Variants in CSMD1 observed in about 807,000 individuals in gnomAD.
CSMD1 encodes CUB and sushi domain-containing protein 1.
A neutral mutation model predicts 417.5 loss-of-function variants in CSMD1; 213 were observed. That is an observed-to-expected ratio of 0.51 (90% confidence interval 0.46 to 0.57). CSMD1 has a LOEUF of 0.57. Among genes scored for constraint, CSMD1 ranks in the 20% least tolerant of loss-of-function variants. CSMD1 has a pLI of 0.00. For synonymous variants in CSMD1, 2,862 were observed against 1,736.8 expected (o/e 1.65, Z -16.11); for missense variants, 6,923 against 4,529.7 (o/e 1.53, Z -15.17).
chr8:3,355,660 T>C (rs1458437108), intron 21 of CSMD1, among the ~76,000 whole-genome samples: 1 of 152,172 alleles, frequency 6.6e-6, no homozygotes, highest in African/African-American at 2.4e-5. Flanking sequence ...CCCAGTGCTT[T>C]ACCCAGACTG....
chr8:3,763,894 G>T (rs546913147), intron 5 of CSMD1, among the ~76,000 whole-genome samples: 2 of 152,234 alleles, frequency 1.3e-5, no homozygotes, highest in South Asian at 4.1e-4. Context: ...GACTGGAGAT[G>T]CCTTATCTCC....
rs1015109698 is a variant in CSMD1 at position 3,531,290 on chromosome 8, G to T, written c.1345-37564C>A. On this transcript the variant is annotated intron_variant, in intron 10 of 69. Transcript: ENST00000635120. ...CCATGGATATTAATTATTATTATTTGTTGTTGTGTGAGTACTAGTAATCAA... is the reference window on the plus strand; with the variant it reads ...CCATGGATATTAATTATTATTATTTTTTGTTGTGTGAGTACTAGTAATCAA... Among the ~76,000 whole-genome samples, 11 of 152,188 alleles carry T rather than the reference G, an allele frequency of 7.2e-5. No individual in the cohort carries two copies. The Middle Eastern group carries it at 0.014, about 188-fold the overall frequency.
chr8:4,859,532 G>C (rs868842461), intron 1 of CSMD1, among the ~76,000 whole-genome samples: 1 of 152,034 alleles, frequency 6.6e-6, no homozygotes, highest in African/African-American at 2.4e-5. Flanking sequence ...GCAATATCCA[G>C]AATCTACAAT....
At chr8:3,970,692 T>C (rs1321473633) in intron 5 of CSMD1, among the ~76,000 whole-genome samples, 3 of 152,170 alleles carry the variant, frequency 2.0e-5, no homozygotes, top group South Asian at 2.1e-4. Flanking sequence ...AAATGTATAT[T>C]TATATGTCCA....
chr8:3,554,390 G>T (rs1799051002), intron 10 of CSMD1, among the ~76,000 whole-genome samples: 1 of 152,210 alleles, frequency 6.6e-6, no homozygotes. Context: ...GATTGAGGAG[G>T]AAGACAATGA....
chr8:4,003,821 A>T (rs1815892371), intron 4 of CSMD1, among the ~76,000 whole-genome samples: 1 of 146,834 alleles, frequency 6.8e-6, no homozygotes, highest in Non-Finnish European at 1.5e-5. Flanking sequence ...CGTGTCTGAT[A>T]TTCTACCAAG....
chr8:3,605,330 T>C (rs973921244), intron 8 of CSMD1, among the ~76,000 whole-genome samples: 5 of 152,192 alleles, frequency 3.3e-5, no homozygotes, highest in South Asian at 2.1e-4. Flanking sequence ...ATTTACTCCC[T>C]GGTTTCTACA....
At chr8:3,174,496 A>C (rs1159716057) in intron 37 of CSMD1, among the ~76,000 whole-genome samples, 6 of 152,208 alleles carry the variant, frequency 3.9e-5, no homozygotes, top group Non-Finnish European at 8.8e-5. Flanking sequence ...CTGTCTCAAA[A>C]AACAAACAAT....
At chr8:4,763,565 G>T (rs1055758334) in intron 1 of CSMD1, among the ~76,000 whole-genome samples, 1 of 152,088 alleles carries the variant, frequency 6.6e-6, no homozygotes, top group Non-Finnish European at 1.5e-5. Flanking sequence ...CAGATCTATT[G>T]TCTTACTTGC....
In CSMD1 at chr8:3,262,185, ATATATAT is replaced by A. The variant is rs1281620544; in HGVS notation, c.4153+21952_4153+21958del. ...TATTTCTAAAATTATGCTCATATGA[ATATATAT>A]ATATATATATATATATATATATATA... On this transcript the variant is annotated intron_variant, in intron 26 of 69. Transcript: ENST00000635120. 8.2e-3 allele frequency among the ~76,000 whole-genome samples: 379 copies of A among 46,304 alleles called. 15 individuals are homozygous for A. The highest frequency in any genetic ancestry group is 0.029 in the African/African-American group (280 of 9,522). The allele number at this position is 46,304 out of a possible 152,430, so 30.4% of individuals were successfully genotyped here. A position where few individuals can be genotyped will look rare whatever the true frequency, so the allele number is the denominator to read the frequency against.
At chr8:4,372,291 G>C (rs1412168359) in intron 3 of CSMD1, among the ~76,000 whole-genome samples, 2 of 152,116 alleles carry the variant, frequency 1.3e-5, no homozygotes, top group Non-Finnish European at 2.9e-5. Flanking sequence ...TTAAGTCTGT[G>C]GGTTAAATGA....
chr8:3,273,752 C>T (rs569860367), intron 26 of CSMD1, among the ~76,000 whole-genome samples: 8 of 151,678 alleles, frequency 5.3e-5, no homozygotes, highest in East Asian at 1.9e-4. Context: ...GATGGCAGTT[C>T]GTATTTCTGT....
chr8:4,654,640 C>G (rs1031205673), intron 1 of CSMD1, among the ~76,000 whole-genome samples: 3 of 152,096 alleles, frequency 2.0e-5, no homozygotes, highest in African/African-American at 7.3e-5. Context: ...TGGTTGAAGT[C>G]AGCTTAGATT....
At chr8:3,844,978 G>T (rs180685255) in intron 5 of CSMD1, among the ~76,000 whole-genome samples, 1 of 152,124 alleles carries the variant, frequency 6.6e-6, no homozygotes, top group Non-Finnish European at 1.5e-5. Flanking sequence ...GATGTGATAT[G>T]CAGATACTGC....
chr8:4,028,138 G>T (rs537748250), intron 4 of CSMD1, among the ~76,000 whole-genome samples: 2 of 152,248 alleles, frequency 1.3e-5, no homozygotes, highest in African/African-American at 4.8e-5. Flanking sequence ...AACATGAAGA[G>T]AAAATGAGCA....
At chr8:3,856,299 C>T (rs915575940) in intron 5 of CSMD1, among the ~76,000 whole-genome samples, 1 of 152,126 alleles carries the variant, frequency 6.6e-6, no homozygotes, top group East Asian at 1.9e-4. Context: ...TCATCTTCCG[C>T]CATGATTGTA....
intron 2 of CSMD1, among the ~76,000 whole-genome samples, chr8:4,565,447 T>G (rs1045771559): frequency 3.3e-5 from 5 of 152,034 alleles, no homozygotes; most frequent in African/African-American, 9.7e-5. Context: ...AAGTAAAATA[T>G]AGATTTTAGC....
intron 2 of CSMD1, among the ~76,000 whole-genome samples, chr8:4,576,354 G>T (rs908387039): frequency 1.3e-5 from 2 of 152,192 alleles, no homozygotes; most frequent in Non-Finnish European, 2.9e-5. Context: ...ACTCTTCAGG[G>T]GAGAGTCAGA....
In CSMD1 at chr8:4,205,329, A is replaced by G. The variant is rs548173216; in HGVS notation, c.416-173230T>C. 7.9e-5 allele frequency among the ~76,000 whole-genome samples: 12 copies of G among 152,380 alleles called. No homozygotes were observed. The South Asian group carries it at 1.0e-3, about 13-fold the overall frequency. On this transcript the variant is annotated intron_variant, in intron 3 of 69. Transcript: ENST00000635120. ...TTGTTATTTACTCAGATATTCTAAA[A>G]TAAGTATTTAATGATTGAGATAAAT...
Sources: allele counts gnomAD v4.1 joint callset (sites outside exome capture counted in the v4.1 genomes callset), GRCh38; gene constraint gnomAD v4.1.1; transcripts MANE v1.5; gene names NCBI Gene and HGNC (gene_info 2026-07-23, HGNC 2026-07-21).